SORCS2: variants seen among roughly 807,000 people sequenced by gnomAD.
SORCS2 encodes the protein sortilin related VPS10 domain containing receptor 2.
In SORCS2, 100 loss-of-function variants were observed where a neutral mutation model predicts 141.6. That is an observed-to-expected ratio of 0.71 (90% CI 0.60 to 0.83). The LOEUF (loss-of-function observed/expected upper bound fraction) is 0.83. SORCS2 is among the 40% of genes least tolerant of loss of function. The pLI is 0.00. For missense variants in SORCS2, 1,646 were observed against 1,560.2 expected (o/e 1.05, Z -0.93); for synonymous variants, 789 against 676.9 (o/e 1.17, Z -2.57).
intron 1 of SORCS2, among the ~76,000 whole-genome samples, chr4:7,199,357 T>G (rs1237532205): frequency 6.6e-6 from 1 of 151,910 alleles, no homozygotes; most frequent in East Asian, 1.9e-4. Flanking sequence ...TCAGTTCACC[T>G]GGGGAGGGGG....
chr4:7,555,012 G>A (rs1475794338), intron 3 of SORCS2, among the ~76,000 whole-genome samples: 1 of 152,160 alleles, frequency 6.6e-6, no homozygotes. Context: ...CAGCTGCTCA[G>A]CCCAGCCGTT....
intron 2 of SORCS2, among the ~76,000 whole-genome samples, chr4:7,421,938 T>C (rs899297723): frequency 6.8e-6 from 1 of 147,626 alleles, no homozygotes; most frequent in African/African-American, 2.4e-5. Flanking sequence ...TCACGCTCCC[T>C]CCCCCATGGT....
At chr4:7,547,835 G>A (rs1056000544) in intron 3 of SORCS2, among the ~76,000 whole-genome samples, 3 of 152,182 alleles carry the variant, frequency 2.0e-5, no homozygotes, top group South Asian at 2.1e-4. Flanking sequence ...TCTGTCCACC[G>A]GCACCTGGCA....
intron 1 of SORCS2, among the ~76,000 whole-genome samples, chr4:7,380,797 G>A (rs1722937705): frequency 6.6e-6 from 1 of 152,238 alleles, no homozygotes; most frequent in African/African-American, 2.4e-5. Context: ...TGTTAAAGAA[G>A]TGGGTTAATT....
intron 3 of SORCS2, among the ~76,000 whole-genome samples, chr4:7,539,111 C>A (rs1024512956): frequency 3.9e-5 from 6 of 152,310 alleles, no homozygotes; most frequent in African/African-American, 1.4e-4. Flanking sequence ...GGACGCGCCC[C>A]AGGTCTAAGG....
chr4:7,693,113 G>A lies in SORCS2; in HGVS notation c.1591+3525G>A, dbSNP rs755154364. On this transcript the variant is annotated intron_variant, in intron 11 of 26. Coordinates refer to ENST00000507866, the MANE Select transcript of SORCS2 (RefSeq NM_020777.3). ...GACTGGGCGTGTTGCAGGACTGAAC[G>A]GCTGGCTCCCTTCTGAGTGCTCCTG... is the stretch of plus-strand genomic sequence containing the variant. Among the ~76,000 whole-genome samples, 3 of 152,198 alleles carry A rather than the reference G, an allele frequency of 2.0e-5. No homozygotes were observed. The South Asian group carries it at 6.2e-4, about 32-fold the overall frequency.
intron 3 of SORCS2, among the ~76,000 whole-genome samples, chr4:7,599,719 T>C (rs1322150350): frequency 1.3e-5 from 2 of 152,022 alleles, no homozygotes; most frequent in Admixed American, 6.6e-5. Context: ...GACGAGGGGC[T>C]GTGAGAGGTG....
At chr4:7,395,034 C>T (rs1227777926) in intron 1 of SORCS2, among the ~76,000 whole-genome samples, 1 of 152,206 alleles carries the variant, frequency 6.6e-6, no homozygotes, top group African/African-American at 2.4e-5. Flanking sequence ...GCTCTGACGG[C>T]AGGCTGTGAG....
intron 3 of SORCS2, among the ~76,000 whole-genome samples, chr4:7,579,850 G>A (rs748994139): frequency 2.0e-4 from 31 of 152,146 alleles, no homozygotes; most frequent in Non-Finnish European, 4.4e-4. Flanking sequence ...GTAGAAAGAA[G>A]TCTTCTACCT....
intron 3 of SORCS2, among the ~76,000 whole-genome samples, chr4:7,581,156 GAA>G (rs34869505): frequency 1.5e-5 from 2 of 131,400 alleles, no homozygotes; most frequent in South Asian, 4.8e-4. Flanking sequence ...TAATTTTTTT[GAA>G]AAAAAAAAAG....
chr4:7,381,535 TC>T (rs1052064512), intron 1 of SORCS2, among the ~76,000 whole-genome samples: 2 of 152,136 alleles, frequency 1.3e-5, no homozygotes, highest in Non-Finnish European at 2.9e-5. Context: ...GTGAAGGCTG[TC>T]CCCCGTGAGT....
intron 3 of SORCS2, among the ~76,000 whole-genome samples, chr4:7,546,585 C>A (rs1426148558): frequency 6.6e-6 from 1 of 151,922 alleles, no homozygotes; most frequent in Non-Finnish European, 1.5e-5. Flanking sequence ...CTGAGGGAAC[C>A]CACGTGTGCA....
intron 2 of SORCS2, among the ~76,000 whole-genome samples, chr4:7,469,510 A>T (rs1466024303): frequency 6.6e-6 from 1 of 152,236 alleles, no homozygotes; most frequent in Non-Finnish European, 1.5e-5. Context: ...CAGAACCTCC[A>T]AAAGGAGCCC....
intron 3 of SORCS2, among the ~76,000 whole-genome samples, chr4:7,545,162 G>A (rs1425700735): frequency 2.7e-5 from 4 of 148,714 alleles, no homozygotes; most frequent in South Asian, 2.1e-4. Flanking sequence ...AAAAAAACTC[G>A]AGCTTTTCAG....
rs368913248 is a variant in SORCS2, at chr4:7,680,242, A to G, written c.1342-2501A>G. Among the ~76,000 whole-genome samples, 26 of 152,342 alleles carry G rather than the reference A, an allele frequency of 1.7e-4. 1 individual carries two copies. Among genetic ancestry groups the G allele is most frequent in the Admixed American group, 1.7e-3 (26 of 15,308 alleles). Reference sequence around the variant, plus strand: ...AGAGGGACCTGTCTGCAGCCAATCTATAGGCAACACTCACACTCATACTCA... The same window carrying G: ...AGAGGGACCTGTCTGCAGCCAATCTGTAGGCAACACTCACACTCATACTCA... On this transcript the variant is annotated intron_variant, in intron 9 of 26. Transcript: ENST00000507866.
At chr4:7,554,472 G>A (rs1223604836) in intron 3 of SORCS2, among the ~76,000 whole-genome samples, 1 of 152,110 alleles carries the variant, frequency 6.6e-6, no homozygotes, top group Non-Finnish European at 1.5e-5. Context: ...TCCCCCAGAG[G>A]CCCTACTCCT....
chr4:7,689,353 C>T (rs559428157), intron 10 of SORCS2, 133 bp from the exon 11 acceptor site: 34 of 734,800 alleles, frequency 4.6e-5, no homozygotes, highest in African/African-American at 3.3e-4. Context: ...ATCCTCCATC[C>T]GTTCCTCCAA....
At chr4:7,240,532 G>A (rs922289137) in intron 1 of SORCS2, among the ~76,000 whole-genome samples, 7 of 152,168 alleles carry the variant, frequency 4.6e-5, no homozygotes, top group African/African-American at 1.4e-4. Context: ...CCCCGTCCTC[G>A]TGGTGGAGGT....
At chr4:7,644,133 C>A (rs947450977) in intron 4 of SORCS2, among the ~76,000 whole-genome samples, 1 of 152,184 alleles carries the variant, frequency 6.6e-6, no homozygotes, top group Non-Finnish European at 1.5e-5. Flanking sequence ...ACTAGACCCC[C>A]CTTCCCAGGA....
Sources: allele counts gnomAD v4.1 joint callset (sites outside exome capture counted in the v4.1 genomes callset), GRCh38; gene constraint gnomAD v4.1.1; transcripts MANE v1.5; gene names NCBI Gene and HGNC (gene_info 2026-07-23, HGNC 2026-07-21).